SPOCK2: variants seen among roughly 807,000 people sequenced by gnomAD.
SPOCK2 encodes SPARC (osteonectin), cwcv and kazal like domains proteoglycan 2.
In SPOCK2, 39 loss-of-function variants were observed where a neutral mutation model predicts 60.1. That is an observed-to-expected ratio of 0.65 (90% CI 0.50 to 0.85). The LOEUF (loss-of-function observed/expected upper bound fraction) is 0.85. Among genes scored for constraint, SPOCK2 ranks in the 40% least tolerant of loss-of-function variants. The probability of loss-of-function intolerance (pLI) is 0.00; values close to 1 mark genes in which losing one functional copy is unlikely to be tolerated. For synonymous variants in SPOCK2, 217 were observed against 231.5 expected (o/e 0.94, Z 0.57); for missense variants, 523 against 567.4 (o/e 0.92, Z 0.80).
At chr10:72,086,334 T>A (rs1016751116) in intron 1 of SPOCK2, 28 of 994,304 alleles carry the variant, frequency 2.8e-5, no homozygotes, top group Non-Finnish European at 3.1e-5. Context: ...AAGCAGTAAG[T>A]CATTTATTCT....
At chr10:72,075,418 G>C (rs1589122693) in intron 1 of SPOCK2, among the ~76,000 whole-genome samples, 1 of 151,968 alleles carries the variant, frequency 6.6e-6, no homozygotes, top group Admixed American at 6.5e-5. Context: ...GTGGAAGTAG[G>C]GAAGGTGCCT....
chr10:72,072,681 C>T (rs1323352507), intron 2 of SPOCK2, 133 bp from the exon 3 acceptor site: 5 of 1,271,186 alleles, frequency 3.9e-6, no homozygotes, highest in Admixed American at 2.1e-5. Flanking sequence ...TGGCTGACCC[C>T]TGTCCACCCA....
intron 1 of SPOCK2, among the ~76,000 whole-genome samples, chr10:72,082,585 G>C (rs1191550851): frequency 3.9e-5 from 6 of 152,048 alleles, no homozygotes; most frequent in Non-Finnish European, 8.8e-5. Context: ...CTGGCACAGT[G>C]GCTCATGTCT....
chr10:72,083,970 G>A (rs1840822596), intron 1 of SPOCK2, among the ~76,000 whole-genome samples: 1 of 152,088 alleles, frequency 6.6e-6, no homozygotes, highest in African/African-American at 2.4e-5. Context: ...AGCAGGGAGG[G>A]GTGGTCAGGA....
At chr10:72,072,938 A>G (rs777010037) in intron 1 of SPOCK2, 28 bp from the exon 2 acceptor site, 74 of 1,553,884 alleles carry the variant, frequency 4.8e-5, no homozygotes, top group South Asian at 3.3e-4. Context: ...GCAGCAGGCC[A>G]TGGAAAACGG....
At chr10:72,070,721 G>A (rs559354026) in intron 4 of SPOCK2, among the ~76,000 whole-genome samples, 144 of 152,280 alleles carry the variant, frequency 9.5e-4, no homozygotes, top group African/African-American at 3.4e-3. Context: ...GAGGTAAAAG[G>A]GGGTCACACT....
rs76884286 is a variant in SPOCK2, at chr10:72,074,894, G to A, written c.190-1984C>T. On this transcript the variant is annotated intron_variant, in intron 1 of 10. Coordinates refer to ENST00000373109, the MANE Select transcript of SPOCK2 (RefSeq NM_001244950.2). ...TGCTCGGCCCACACCTGGCCCACAC[G>A]TACCTGTCCTAGCAGCCAAGAGTCC... is the stretch of plus-strand genomic sequence containing the variant. Among the ~76,000 whole-genome samples the A allele has an allele frequency of 5.2e-3, 784 of 151,312 alleles. 3 individuals carry two copies. The highest frequency in any genetic ancestry group is 7.8e-3 in the Non-Finnish European group (529 of 67,988).
At chr10:72,066,809 A>G (rs1766662081) in intron 8 of SPOCK2, 93 bp downstream of exon 8, 7 of 1,461,418 alleles carry the variant, frequency 4.8e-6, no homozygotes, top group Non-Finnish European at 6.6e-6. Flanking sequence ...GACGTAGCCA[A>G]GAAAGAGCCA....
intron 8 of SPOCK2, 96 bp downstream of exon 8, chr10:72,066,806 C>A: frequency 7.0e-7 from 1 of 1,426,916 alleles, no homozygotes; most frequent in Non-Finnish European, 9.7e-7. Context: ...GGGGACGTAG[C>A]CAAGAAAGAG....
chr10:72,074,639 C>T (rs1202402250), intron 1 of SPOCK2, among the ~76,000 whole-genome samples: 1 of 152,240 alleles, frequency 6.6e-6, no homozygotes, highest in Non-Finnish European at 1.5e-5. Context: ...TCCAGTTTCA[C>T]ACTCGAGGCT....
intron 9 of SPOCK2, 72 bp from the exon 10 acceptor site, chr10:72,063,234 G>C: frequency 6.5e-6 from 10 of 1,538,070 alleles, no homozygotes; most frequent in Non-Finnish European, 8.8e-6. Flanking sequence ...GGTGACCTCA[G>C]GTCCTCATGC....
At position 72,072,267 on chromosome 10, in the gene SPOCK2, G is replaced by A. The variant is rs749822067; in HGVS notation, c.245-9C>T. ...CTTGGTGGTATCCAGGGCTGCAGGG[G>A]CACAGAGTCAGGACACAGGTCACCT... On this transcript the variant is annotated splice_polypyrimidine_tract_variant and intron_variant, in intron 3 of 10. Transcript: ENST00000373109. 2 of 1,516,012 alleles carry A rather than the reference G, an allele frequency of 1.3e-6. No homozygotes were observed. The highest frequency in any genetic ancestry group is 2.4e-5 in the East Asian group (1 of 41,048). 93.9% of individuals were successfully genotyped at this position (1,516,012 alleles called of 1,614,324 possible).
At chr10:72,079,809 C>G (rs1840759859) in intron 1 of SPOCK2, among the ~76,000 whole-genome samples, 1 of 152,014 alleles carries the variant, frequency 6.6e-6, no homozygotes, top group Non-Finnish European at 1.5e-5. Flanking sequence ...ACAGAGAGAC[C>G]TCACCCCCTA....
intron 8 of SPOCK2, among the ~76,000 whole-genome samples, chr10:72,065,322 C>T (rs1840554117): frequency 6.6e-6 from 1 of 152,236 alleles, no homozygotes; most frequent in Non-Finnish European, 1.5e-5. Flanking sequence ...AGGCGTGAGC[C>T]ACCGCGCCCG....
chr10:72,079,111 A>G (rs1167634123), intron 1 of SPOCK2, among the ~76,000 whole-genome samples: 1 of 152,232 alleles, frequency 6.6e-6, no homozygotes, highest in African/African-American at 2.4e-5. Flanking sequence ...GTCTCAGATG[A>G]TAAAATTGAG....
chr10:72,087,340 G>A lies in SPOCK2; in HGVS notation c.189+800C>T, dbSNP rs1257002443. ...CGGCCCAAGGTTACGCCGGGGTTCG[G>A]GCGGCGCCCGCCGGGGGCCCCCAAA... On this transcript the variant is annotated intron_variant, in intron 1 of 10. Coordinates refer to ENST00000373109, the MANE Select transcript of SPOCK2 (RefSeq NM_001244950.2). The surrounding 1 kb of genome is among the most constrained non-coding windows in gnomAD (Gnocchi z 4.7). 3.9e-5 allele frequency among the ~76,000 whole-genome samples: 6 copies of A among 152,056 alleles called. No homozygotes were observed. Among genetic ancestry groups the A allele is most frequent in the Non-Finnish European group, 8.8e-5 (6 of 67,988 alleles).
In SPOCK2 at chr10:72,067,104, C is replaced by T. The variant is rs1390610593; in HGVS notation, c.726G>A (p.Leu242=). The part of the protein sequence containing the change: ...AGPASGLDKS[L]GASCKDSIGW... ...CAATGGAGTCCTTGCAGCTGGCCCC[C>T]AGGCTCTTGTCCAGCCCTGGGAAAA... Residue 242 remains leucine, a synonymous_variant, in exon 8 of 11, where the codon CTG becomes CTA. Transcript: ENST00000373109. The T allele has an allele frequency of 1.2e-6, 2 of 1,613,764 alleles. No homozygotes were observed. The highest frequency in any genetic ancestry group is 2.7e-5 in the African/African-American group (2 of 74,934).
intron 4 of SPOCK2, among the ~76,000 whole-genome samples, chr10:72,071,566 A>G (rs1018802233): frequency 1.3e-5 from 2 of 152,154 alleles, no homozygotes; most frequent in African/African-American, 4.8e-5. Flanking sequence ...ACCACCTTAA[A>G]TATTTCATGA....
At chr10:72,086,451 C>A in intron 1 of SPOCK2, 1 of 1,048,500 alleles carries the variant, frequency 9.5e-7, no homozygotes, top group Non-Finnish European at 1.2e-6. Flanking sequence ...TCCCTCTGAC[C>A]TTCACTGGTC....
Sources: allele counts gnomAD v4.1 joint callset (sites outside exome capture counted in the v4.1 genomes callset), GRCh38; gene constraint gnomAD v4.1.1; non-coding constraint Gnocchi (gnomAD v3.1); transcripts MANE v1.5; gene names NCBI Gene and HGNC (gene_info 2026-07-23, HGNC 2026-07-21).